ADAMTS15: variants seen among roughly 807,000 people sequenced by gnomAD.
The protein encoded by ADAMTS15 is ADAM metallopeptidase with thrombospondin type 1 motif 15.
ADAMTS15 carries 35 observed loss-of-function variants against 79.1 expected under a neutral mutation model. The observed-to-expected ratio is 0.44, with a 90% confidence interval of 0.34 to 0.59. The LOEUF (loss-of-function observed/expected upper bound fraction) is 0.59, where lower values mean the gene tolerates loss of function less well. Among genes scored for constraint, ADAMTS15 ranks in the 20% least tolerant of loss-of-function variants. ADAMTS15 has a pLI of 0.02. For synonymous variants in ADAMTS15, 616 were observed against 567.3 expected, an observed-to-expected ratio of 1.09 and a Z score of -1.22; for missense variants, 1,324 against 1,318.7, an observed-to-expected ratio of 1.00 and a Z score of -0.06.
Position 130,473,216 on chromosome 11 carries a change from C to T in ADAMTS15, c.2248C>T (p.Leu750=), listed in dbSNP as rs1938496451. The change falls in exon 8 of 8, where the codon CTG becomes TTG. Residue 750 remains leucine, a synonymous_variant. Transcript: ENST00000299164. ...CGTGGTGTCGGCGGTGGAGCGGGAC[C>T]TGGTGGTGAAGGGCAGTCTGCTGCG... The part of the protein sequence containing the change: ...HFVVSAVERD[L]VVKGSLLRYS... 1 of 1,613,924 alleles carries T rather than the reference C, an allele frequency of 6.2e-7. No homozygotes were observed. Among genetic ancestry groups the T allele is most frequent in the African/African-American group, 1.3e-5 (1 of 75,070 alleles).
At chr11:130,464,387 G>A (rs1938261235) in intron 4 of ADAMTS15, among the ~76,000 whole-genome samples, 1 of 152,058 alleles carries the variant, frequency 6.6e-6, no homozygotes, top group African/African-American at 2.4e-5. Context: ...AACCTTCATG[G>A]AAGTCATTGC....
chr11:130,462,539 C>G lies in ADAMTS15; in HGVS notation c.1301C>G (p.Pro434Arg). 1 of 1,610,016 alleles carries G rather than the reference C, an allele frequency of 6.2e-7. No individual in the cohort carries two copies. The highest frequency in any genetic ancestry group is 1.1e-5 in the South Asian group (1 of 90,794). ...LDQPSKPISL[P>R]EDLPGASYTL... ...CAACCCAGCAAGCCCATCTCCCTGC[C>G]CGAGGATCTGCCGGGCGCCAGCTAC... is the stretch of plus-strand genomic sequence containing the variant. The change falls in exon 4 of 8, where the codon CCC becomes CGC. Residue 434 changes from proline (P) to arginine (R), a missense_variant. Transcript: ENST00000299164. The surrounding 1 kb of genome is among the most constrained non-coding windows in gnomAD (Gnocchi z 4.3).
chr11:130,450,063 C>T (rs1937931591), intron 1 of ADAMTS15, 133 bp downstream of exon 1: 3 of 1,476,938 alleles, frequency 2.0e-6, no homozygotes, highest in Non-Finnish European at 2.7e-6. Flanking sequence ...CCGACTCCAA[C>T]TCTGTGGAGT....
chr11:130,461,836 T>G (rs1938205423), intron 2 of ADAMTS15, among the ~76,000 whole-genome samples: 1 of 152,168 alleles, frequency 6.6e-6, no homozygotes, highest in African/African-American at 2.4e-5. Context: ...GTCTCAGCAC[T>G]TAGGCACTGT....
intron 4 of ADAMTS15, 72 bp from the exon 5 acceptor site, chr11:130,469,190 G>A: frequency 2.3e-6 from 3 of 1,316,604 alleles, no homozygotes; most frequent in Non-Finnish European, 2.9e-6. Flanking sequence ...GTACAGTGTA[G>A]TTTTCTATGG....
Position 130,449,431 on chromosome 11 carries a change from G to C in ADAMTS15, c.458G>C (p.Gly153Ala). Residue 153 changes from glycine to alanine, a missense_variant, in exon 1 of 8, where the codon GGC becomes GCC. Transcript: ENST00000299164. The surrounding 1 kb of genome is among the most constrained non-coding windows in gnomAD (Gnocchi z 7.8). ...SAPAAQRNSQ[G>A]AHLLQRRGVP... is the part of the protein sequence containing the mutation. Reference sequence around the variant, plus strand: ...CCGGCGGCGCAGCGCAACAGCCAGGGCGCACACCTTCTCCAGCGCCGGGGT... The same window carrying C: ...CCGGCGGCGCAGCGCAACAGCCAGGCCGCACACCTTCTCCAGCGCCGGGGT... 1 of 1,592,030 alleles carries C rather than the reference G, an allele frequency of 6.3e-7. No homozygotes were observed. Among genetic ancestry groups the C allele is most frequent in the Non-Finnish European group, 8.5e-7 (1 of 1,173,152 alleles).
chr11:130,457,173 G>C (rs2134721587), intron 1 of ADAMTS15, among the ~76,000 whole-genome samples: 1 of 151,212 alleles, frequency 6.6e-6, no homozygotes, highest in Non-Finnish European at 1.5e-5. Context: ...AGAGGTTGCA[G>C]TGAGCCGAGA....
intron 1 of ADAMTS15, among the ~76,000 whole-genome samples, chr11:130,452,795 A>C (rs1184176317): frequency 6.6e-6 from 1 of 152,138 alleles, no homozygotes; most frequent in Non-Finnish European, 1.5e-5. Context: ...ATCCTGGCCA[A>C]CATGGTGAAA....
intron 4 of ADAMTS15, among the ~76,000 whole-genome samples, chr11:130,467,478 A>G (rs1255943313): frequency 6.6e-6 from 1 of 152,232 alleles, no homozygotes; most frequent in African/African-American, 2.4e-5. Context: ...ACAAAATGAA[A>G]CAAAAGCTAT....
In ADAMTS15 at chr11:130,448,748, C is replaced by T. The variant is rs549286558; in HGVS notation, c.-226C>T. The stretch of plus-strand genomic sequence containing the variant: ...CTTGACAGCGATTGTACTTAAGCTC[C>T]CAGGGCGCGCTTTGCTTGGAAAGGC... On this transcript the variant is annotated 5_prime_UTR_variant, in exon 1 of 8. Transcript: ENST00000299164. 9.2e-5 allele frequency among the ~76,000 whole-genome samples: 14 copies of T among 152,330 alleles called. No homozygotes were observed. The highest frequency in any genetic ancestry group is 1.8e-4 in the Non-Finnish European group (12 of 68,018).
At chr11:130,461,740 C>A in intron 2 of ADAMTS15, 119 bp downstream of exon 2, 1 of 1,419,200 alleles carries the variant, frequency 7.0e-7, no homozygotes, top group Non-Finnish European at 9.5e-7. Context: ...TCTTAGGGCA[C>A]AGTGAGCCTT....
intron 7 of ADAMTS15, among the ~76,000 whole-genome samples, chr11:130,471,836 G>C (rs1294382812): frequency 6.6e-6 from 1 of 152,246 alleles, no homozygotes; most frequent in Non-Finnish European, 1.5e-5. Flanking sequence ...AAGGGAGTTA[G>C]TCCAAGTAAC....
intron 1 of ADAMTS15, among the ~76,000 whole-genome samples, chr11:130,453,295 T>TTA (rs1555078980): frequency 1.3e-5 from 2 of 151,690 alleles, no homozygotes; most frequent in African/African-American, 4.8e-5. Flanking sequence ...TTTTTTTTTT[T>TTA]AGGACTTGTA....
At position 130,456,530 on chromosome 11, in the gene ADAMTS15, T is replaced by C. The variant is rs571577360; in HGVS notation, c.958-4959T>C. On this transcript the variant is annotated intron_variant, in intron 1 of 7. Coordinates refer to ENST00000299164, the MANE Select transcript of ADAMTS15 (RefSeq NM_139055.4). ...AGCAAGGCCCTCCCATCCTTGGGGATTACAAACAGACATGGATTTTGGGCT... is the reference window on the plus strand; with the variant it reads ...AGCAAGGCCCTCCCATCCTTGGGGACTACAAACAGACATGGATTTTGGGCT... 1.2e-4 allele frequency among the ~76,000 whole-genome samples: 18 copies of C among 152,326 alleles called. No individual in the cohort carries two copies. In the East Asian group the frequency reaches 3.3e-3, roughly 28 times the overall value.
chr11:130,470,202 A>G lies in ADAMTS15; in HGVS notation c.1721-718A>G, dbSNP rs1201005594. On this transcript the variant is annotated intron_variant, in intron 5 of 7. Transcript: ENST00000299164. ...TATATGTGTGTATATATATATATAT[A>G]TATATATGTATATATATATATATTT... Among the ~76,000 whole-genome samples, 8 of 63,056 alleles carry G rather than the reference A, an allele frequency of 1.3e-4. 1 individual carries two copies. Among genetic ancestry groups the G allele is most frequent in the African/African-American group, 5.9e-4 (7 of 11,782 alleles). The allele number at this position is 63,056 out of a possible 152,430, so 41.4% of individuals were successfully genotyped here. A position where few individuals can be genotyped will look rare whatever the true frequency, so the allele number is the denominator to read the frequency against.
chr11:130,469,410 C>T lies in ADAMTS15; in HGVS notation c.1691C>T (p.Ser564Phe). The change falls in exon 5 of 8, where the codon TCC becomes TTC. Residue 564 changes from serine to phenylalanine, a missense_variant. Coordinates refer to ENST00000299164, the MANE Select transcript of ADAMTS15 (RefSeq NM_139055.4). ...GAGGGAGTGAGGGTGAAATACCGAT[C>T]CTGCAATCTGGAGCCCTGCCCCAGC... ...YCEGVRVKYRSCNLEPCPSSA... is the reference protein window; with the variant it reads ...YCEGVRVKYRFCNLEPCPSSA... 2 of 1,348,264 alleles carry T rather than the reference C, an allele frequency of 1.5e-6. No individual in the cohort carries two copies. The highest frequency in any genetic ancestry group is 2.4e-5 in the South Asian group (1 of 42,254). 83.5% of individuals were successfully genotyped at this position (1,348,264 alleles called of 1,614,324 possible).
chr11:130,462,075 C>T lies in ADAMTS15; in HGVS notation c.1091-12C>T. On this transcript the variant is annotated splice_polypyrimidine_tract_variant and intron_variant, in intron 2 of 7. Transcript: ENST00000299164. The surrounding 1 kb of genome is among the most constrained non-coding windows in gnomAD (Gnocchi z 4.3). ...CCTCCTGCCCTCTCAGTCCTCTTGC[C>T]TTACCCCACAGGCCACGTGTTCAAC... The T allele has an allele frequency of 6.2e-7, 1 of 1,609,414 alleles. No homozygotes were observed. The highest frequency in any genetic ancestry group is 1.7e-4 in the Middle Eastern group (1 of 6,042).
At chr11:130,461,677 G>C in intron 2 of ADAMTS15, 56 bp downstream of exon 2, 1 of 1,606,130 alleles carries the variant, frequency 6.2e-7, no homozygotes, top group South Asian at 1.1e-5. Context: ...GGAGCCTGGA[G>C]GGTGGGAGAC....
intron 1 of ADAMTS15, among the ~76,000 whole-genome samples, chr11:130,460,960 C>T (rs1938186835): frequency 6.6e-6 from 1 of 152,228 alleles, no homozygotes; most frequent in African/African-American, 2.4e-5. Context: ...TTCCTCCCAG[C>T]CTGATCACTG....
Sources: allele counts gnomAD v4.1 joint callset (sites outside exome capture counted in the v4.1 genomes callset), GRCh38; gene constraint gnomAD v4.1.1; non-coding constraint Gnocchi (gnomAD v3.1); transcripts MANE v1.5; gene names NCBI Gene and HGNC (gene_info 2026-07-23, HGNC 2026-07-21).